The following EMC1 variants were observed in gnomAD, a reference collection of about 807,000 sequenced individuals.
EMC1 encodes the protein ER membrane protein complex subunit 1, also known as KIAA0090.
A neutral mutation model predicts 128.8 loss-of-function variants in EMC1; 103 were observed. The ratio of observed to expected loss-of-function variants is 0.80; its 90% CI spans 0.68 to 0.94. The LOEUF is 0.94. EMC1 is among the 40% of genes least tolerant of loss of function. The pLI, the probability that EMC1 is intolerant of heterozygous loss-of-function variation, is 0.00. For synonymous variants in EMC1, 442 were observed against 490.4 expected, an observed-to-expected ratio of 0.90 and a Z score of 1.30; for missense variants, 1,083 against 1,250.6, an observed-to-expected ratio of 0.87 and a Z score of 2.02.
In EMC1 at chr1:19,230,169, C is replaced by T. The variant is rs143169442; in HGVS notation, c.2064+675G>A. 2.4e-3 allele frequency among the ~76,000 whole-genome samples: 367 copies of T among 152,298 alleles called. 3 individuals carry two copies. The highest frequency in any genetic ancestry group is 8.2e-3 in the African/African-American group (342 of 41,566). Reference sequence around the variant, plus strand: ...AAAATTCAAAGCACACATTCCATCACGAGTTGGTCAACATCATCTTCATAT... The same window carrying T: ...AAAATTCAAAGCACACATTCCATCATGAGTTGGTCAACATCATCTTCATAT... On this transcript the variant is annotated intron_variant, in intron 17 of 22. Transcript: ENST00000477853.
chr1:19,241,263 G>A, intron 5 of EMC1, 121 bp from the exon 6 acceptor site: 3 of 1,180,556 alleles, frequency 2.5e-6, no homozygotes, highest in Non-Finnish European at 3.6e-6. Context: ...GTTTTGTTTG[G>A]CTCACACAGT....
chr1:19,244,996 A>C lies in EMC1; in HGVS notation c.130T>G (p.Ser44Ala). ...QQYVGKVKFA[S>A]LEFSPGSKKL... ...TTGGATCCAGGGGAAAATTCCAAGG[A>C]GGCAAACTTGACCTTCCCAACATAT... The change falls in exon 2 of 23, where the codon TCC becomes GCC. Residue 44 changes from serine (S) to alanine (A), a missense_variant. Ser to Ala is a moderately conservative substitution (Grantham distance 99, BLOSUM62 1). This residue lies in a region of EMC1 where 544 missense variants were observed against 572.4 expected (regional missense o/e 0.95). Transcript: ENST00000477853. 6.2e-7 allele frequency: 1 copy of C among 1,613,978 alleles called. No homozygotes were observed. The highest frequency in any genetic ancestry group is 8.5e-7 in the Non-Finnish European group (1 of 1,179,892).
chr1:19,219,214 T>G lies in EMC1; in HGVS notation c.*89A>C. The G allele has an allele frequency of 7.6e-7, 1 of 1,320,926 alleles. No individual in the cohort carries two copies. The highest frequency in any genetic ancestry group is 1.1e-6 in the Non-Finnish European group (1 of 928,574). The allele number at this position is 1,320,926 out of a possible 1,614,324, so 81.8% of individuals were successfully genotyped here. ...TTAGCTGAGCACTGACACACACACA[T>G]ACTCCACCAATCCACCAAACTGCAG... On this transcript the variant is annotated 3_prime_UTR_variant, in exon 23 of 23. Coordinates refer to ENST00000477853, the MANE Select transcript of EMC1 (RefSeq NM_015047.3).
intron 21 of EMC1, 56 bp downstream of exon 21, chr1:19,220,708 A>C: frequency 7.5e-7 from 1 of 1,340,366 alleles, no homozygotes; most frequent in Non-Finnish European, 1.1e-6. Flanking sequence ...AAGCTTAATC[A>C]GTGAGGTTAA....
chr1:19,232,601 C>G, intron 15 of EMC1, 23 bp downstream of exon 15: 8 of 1,613,658 alleles, frequency 5.0e-6, no homozygotes, highest in Non-Finnish European at 5.9e-6. Flanking sequence ...GAGTCTGGCT[C>G]AAGTCAGAGC....
chr1:19,230,831 C>G lies in EMC1; in HGVS notation c.2064+13G>C, dbSNP rs778848007. On this transcript the variant is annotated intron_variant, in intron 17 of 22. Transcript: ENST00000477853. ...TCATCCACAAAGGGTTGTGCCAGGA[C>G]ATGCCTTCCTACCTTTCGAAGCCGA... The G allele has an allele frequency of 3.7e-5, 60 of 1,613,564 alleles. No individual in the cohort carries two copies. Among genetic ancestry groups the G allele is most frequent in the Non-Finnish European group, 4.6e-5 (54 of 1,179,906 alleles).
rs375065040 is a variant in EMC1 at position 19,242,334 on chromosome 1, G to A, written c.509+11C>T. On this transcript the variant is annotated intron_variant, in intron 5 of 22. Transcript: ENST00000477853. Reference sequence around the variant, plus strand: ...ACGAGGCAGCTATTGCCTGTGAGCAGGCAGCCTTACCTTTCTGGGAGATGT... The same window carrying A: ...ACGAGGCAGCTATTGCCTGTGAGCAAGCAGCCTTACCTTTCTGGGAGATGT... 1 of 1,614,174 alleles carries A rather than the reference G, an allele frequency of 6.2e-7. No individual in the cohort carries two copies. The highest frequency in any genetic ancestry group is 8.5e-7 in the Non-Finnish European group (1 of 1,179,996).
Position 19,244,793 on chromosome 1 carries a change from G to C in EMC1, c.220+113C>G, listed in dbSNP as rs1246042467. 1.2e-5 allele frequency: 15 copies of C among 1,202,592 alleles called. No individual in the cohort carries two copies. The South Asian group carries it at 1.9e-4, about 15-fold the overall frequency. The allele number at this position is 1,202,592 out of a possible 1,614,324, so 74.5% of individuals were successfully genotyped here. On this transcript the variant is annotated intron_variant, in intron 2 of 22. Transcript: ENST00000477853. ...AAAAAAGTATCAGAATCCACTAGGA[G>C]AGGCATCTTTTGGCCAACATGTTCC...
At position 19,240,440 on chromosome 1, in the gene EMC1, C is replaced by A. The variant is rs1184005714; in HGVS notation, c.643G>T (p.Val215Phe). 1.9e-6 allele frequency: 3 copies of A among 1,614,174 alleles called. No individual in the cohort carries two copies. Among genetic ancestry groups the A allele is most frequent in the Admixed American group, 1.7e-5 (1 of 59,988 alleles). ...EDGEIVQQVR[V>F]STPWLQHLSG... The stretch of plus-strand genomic sequence containing the variant: ...AGGTGCTGCAGCCACGGAGTTGAAA[C>A]CCTAACCTACAGAAAAGTCATCGTT... The change falls in exon 7 of 23, where the codon GTT (valine) becomes TTT (phenylalanine). Residue 215 changes from valine (V) to phenylalanine (F), a missense_variant. Physicochemically the swap from Val to Phe is conservative, Grantham distance 50. Transcript: ENST00000477853.
At chr1:19,239,621 G>C in intron 8 of EMC1, 197 bp downstream of exon 8, 1 of 605,396 alleles carries the variant, frequency 1.7e-6, no homozygotes. Flanking sequence ...TTGCTCTAAA[G>C]ATCCTTTGTA....
rs144713581 is a variant in EMC1 at position 19,238,019 on chromosome 1, G to C, written c.1210C>G (p.Arg404Gly). ...TGCAAAGAAAGGCTCTGCCTTACCCGCTCAGGCCGAGTGCCGCTCTGTTCC... is the reference window on the plus strand; with the variant it reads ...TGCAAAGAAAGGCTCTGCCTTACCCCCTCAGGCCGAGTGCCGCTCTGTTCC... The part of the protein sequence containing the change: ...SLEQSGTRPE[R>G]LYIQVFLKKD... The change falls in exon 11 of 23, where the codon CGG becomes GGG. Residue 404 changes from arginine to glycine, a missense_variant and splice_region_variant. Around this residue, in one of 3 missense-constraint regions of EMC1, gnomAD observed 544 missense variants for 572.4 expected, o/e 0.95. Transcript: ENST00000477853. 2 of 1,613,348 alleles carry C rather than the reference G, an allele frequency of 1.2e-6. No homozygotes were observed. Among genetic ancestry groups the C allele is most frequent in the Non-Finnish European group, 1.7e-6 (2 of 1,179,700 alleles).
intron 15 of EMC1, among the ~76,000 whole-genome samples, chr1:19,232,117 C>G (rs985231887): frequency 6.6e-6 from 1 of 152,124 alleles, no homozygotes; most frequent in African/African-American, 2.4e-5. Flanking sequence ...CAAAAATCAG[C>G]CGGGCATGAT....
rs1336692372 is a variant in EMC1, at chr1:19,251,468, C to T, written c.42G>A (p.Thr14=). Residue 14 remains threonine, a synonymous_variant, in exon 1 of 23, where the codon ACG becomes ACA. Coordinates refer to ENST00000477853, the MANE Select transcript of EMC1 (RefSeq NM_015047.3). The part of the protein sequence containing the change: ...EWASRFWLWA[T]LLIPAAAVYE... The stretch of plus-strand genomic sequence containing the variant: ...AGACCGCGGCCGCAGGAATCAGCAG[C>T]GTAGCCCAAAGCCAGAAACGAGAAG... 6.2e-7 allele frequency: 1 copy of T among 1,614,178 alleles called. No homozygotes were observed. The highest frequency in any genetic ancestry group is 8.5e-7 in the Non-Finnish European group (1 of 1,180,044).
At chr1:19,220,624 G>GA (rs2151935134) in intron 21 of EMC1, 140 bp downstream of exon 21, 1 of 559,652 alleles carries the variant, frequency 1.8e-6, no homozygotes, top group South Asian at 2.8e-5. Context: ...GAGGGCAGGT[G>GA]ACTTTTTCAG....
At position 19,217,979 on chromosome 1, in the gene EMC1, C is replaced by T. The variant is rs538123344; in HGVS notation, c.*1324G>A. On this transcript the variant is annotated 3_prime_UTR_variant, in exon 23 of 23. Transcript: ENST00000477853. The stretch of plus-strand genomic sequence containing the variant: ...CCCATATATGATTAAACTGACCTTT[C>T]CTTACTAAAATAAAATACACTTACT... 6.6e-6 allele frequency: 1 copy of T among 152,328 alleles called. No individual in the cohort carries two copies. Among genetic ancestry groups the T allele is most frequent in the East Asian group, 1.9e-4 (1 of 5,192 alleles). 9.4% of individuals were successfully genotyped at this position (152,328 alleles called of 1,614,324 possible). A position where few individuals can be genotyped will look rare whatever the true frequency, so the allele number is the denominator to read the frequency against.
chr1:19,230,518 C>G (rs746586834), intron 17 of EMC1, among the ~76,000 whole-genome samples: 4 of 151,868 alleles, frequency 2.6e-5, no homozygotes, highest in Admixed American at 2.6e-4. Flanking sequence ...TGCAGTGAGC[C>G]GAGATCGCAC....
At chr1:19,222,478 T>G in intron 20 of EMC1, 146 bp downstream of exon 20, 2 of 673,372 alleles carry the variant, frequency 3.0e-6, no homozygotes. Context: ...ACTAAGAAAC[T>G]TTTTCCACCG....
intron 1 of EMC1, among the ~76,000 whole-genome samples, chr1:19,246,233 T>G (rs992874831): frequency 1.1e-4 from 17 of 151,718 alleles, no homozygotes; most frequent in Non-Finnish European, 1.9e-4. Context: ...CTACTAAAAA[T>G]GCAAAAATTA....
intron 21 of EMC1, 48 bp downstream of exon 21, chr1:19,220,716 T>G (rs746896956): frequency 7.0e-7 from 1 of 1,431,330 alleles, no homozygotes; most frequent in Non-Finnish European, 9.7e-7. Context: ...TCAGTGAGGT[T>G]AAGTTATGTA....
Sources: gnomAD v4.1 joint callset for allele counts (sites outside exome capture counted in the v4.1 genomes callset) on GRCh38, gnomAD v4.1.1 for gene constraint, gnomAD v4.1.1 regional missense constraint, MANE v1.5 for transcripts, NCBI Gene and HGNC (gene_info 2026-07-23, HGNC 2026-07-21) for gene names.